FRMPD1: variants seen among roughly 807,000 people sequenced by gnomAD.
FRMPD1 encodes FERM and PDZ domain-containing protein 1.
A neutral mutation model predicts 117.8 loss-of-function variants in FRMPD1; 76 were observed. The observed-to-expected ratio is 0.65, with a 90% CI of 0.54 to 0.78. The LOEUF (loss-of-function observed/expected upper bound fraction) is 0.78. FRMPD1 is among the 30% of genes least tolerant of loss of function. The pLI, the probability that FRMPD1 is intolerant of heterozygous loss-of-function variation, is 0.00. For synonymous variants in FRMPD1, 783 were observed against 770.4 expected (o/e 1.02, Z -0.27); for missense variants, 1,786 against 1,964.5 (o/e 0.91, Z 1.72).
intron 1 of FRMPD1, among the ~76,000 whole-genome samples, chr9:37,688,517 T>C (rs1043344470): frequency 2.0e-5 from 3 of 152,046 alleles, no homozygotes; most frequent in African/African-American, 7.2e-5. Flanking sequence ...AGTGAACATA[T>C]GTTTATGTCC....
chr9:37,675,583 G>T (rs1357064719), intron 1 of FRMPD1, among the ~76,000 whole-genome samples: 5 of 152,146 alleles, frequency 3.3e-5, no homozygotes, highest in Admixed American at 3.3e-4. Context: ...GTGGATGCCT[G>T]GGTTCTGGGC....
chr9:37,708,546 A>C, intron 4 of FRMPD1, 45 bp downstream of exon 4: 1 of 1,122,804 alleles, frequency 8.9e-7, no homozygotes, highest in South Asian at 1.2e-5. Flanking sequence ...ACAGATTATC[A>C]AAGAACAAAG....
At chr9:37,638,006 TTCTTTCTTTCTTTCTTTCTC>T in the FRMPD1 span, among the ~76,000 whole-genome samples, 9 of 125,928 alleles carry the variant, frequency 7.1e-5, 2 homozygotes, top group Non-Finnish European at 1.3e-4. Flanking sequence ...CTTTCTTTCT[TTCTTTCTTTCTTTCTTTCTC>T]TCTCTTTCTT....
chr9:37,604,389 G>A, the FRMPD1 span, among the ~76,000 whole-genome samples: 7 of 152,194 alleles, frequency 4.6e-5, no homozygotes, highest in East Asian at 1.3e-3. Flanking sequence ...GAAAATAACA[G>A]CGTGATTGTT....
intron 2 of FRMPD1, among the ~76,000 whole-genome samples, chr9:37,703,880 G>C (rs1368496617): frequency 6.6e-6 from 1 of 152,090 alleles, no homozygotes; most frequent in Non-Finnish European, 1.5e-5. Context: ...TCTGGAATAC[G>C]GTATTTTATT....
chr9:37,692,808 C>A (rs976203424), intron 2 of FRMPD1, 66 bp downstream of exon 2: 2 of 1,120,546 alleles, frequency 1.8e-6, no homozygotes, highest in South Asian at 1.2e-5. Context: ...GGAGCTTGTG[C>A]TGGTCCTGGC....
At chr9:37,642,262 T>C in the FRMPD1 span, among the ~76,000 whole-genome samples, 1 of 152,214 alleles carries the variant, frequency 6.6e-6, no homozygotes. Context: ...CACATGATAC[T>C]TGCTTGTTGG....
Position 37,706,874 on chromosome 9 carries a change from A to G in FRMPD1, c.102-542A>G, listed in dbSNP as rs141071447. On this transcript the variant is annotated intron_variant, in intron 2 of 15. Coordinates refer to ENST00000377765, the MANE Select transcript of FRMPD1 (RefSeq NM_014907.3). The stretch of plus-strand genomic sequence containing the variant: ...ACCATCCATGTTTTTCCTCTCCTGT[A>G]CCTCTGACTCCAGCAGTATGTCCTG... 3.5e-4 allele frequency among the ~76,000 whole-genome samples: 53 copies of G among 152,126 alleles called. No homozygotes were observed. The East Asian group carries it at 8.3e-3, about 24-fold the overall frequency.
intron 14 of FRMPD1, 136 bp from the exon 15 acceptor site, chr9:37,739,942 T>G: frequency 1.5e-6 from 1 of 681,402 alleles, no homozygotes; most frequent in South Asian, 1.7e-5. Flanking sequence ...TTCGTCAGTA[T>G]AGGACGGTCT....
intron 1 of FRMPD1, among the ~76,000 whole-genome samples, chr9:37,683,931 G>T (rs947603970): frequency 6.6e-6 from 1 of 151,242 alleles, no homozygotes; most frequent in African/African-American, 2.4e-5. Context: ...AGAGTGTTGT[G>T]TGAGGGAGAT....
intron 1 of FRMPD1, among the ~76,000 whole-genome samples, chr9:37,654,713 G>A (rs1588901463): frequency 6.6e-6 from 1 of 152,256 alleles, no homozygotes; most frequent in African/African-American, 2.4e-5. Context: ...GCTAAGGCCT[G>A]GAGGCCTGAA....
At chr9:37,640,237 A>C in the FRMPD1 span, among the ~76,000 whole-genome samples, 1 of 152,226 alleles carries the variant, frequency 6.6e-6, no homozygotes, top group Non-Finnish European at 1.5e-5. Context: ...ATTATGGTTC[A>C]GTGTAGGTAA....
chr9:37,625,077 T>C, the FRMPD1 span, among the ~76,000 whole-genome samples: 66 of 152,354 alleles, frequency 4.3e-4, no homozygotes, highest in South Asian at 2.1e-4. Flanking sequence ...GAGTGAGACA[T>C]CATTAGTAGC....
intron 8 of FRMPD1, 103 bp from the exon 9 acceptor site, chr9:37,730,881 G>C: frequency 2.5e-6 from 3 of 1,177,102 alleles, no homozygotes; most frequent in Non-Finnish European, 3.7e-6. Context: ...GAAATCTCTG[G>C]GAACTGTCTT....
In FRMPD1 at chr9:37,707,246, G is replaced by T. The variant is rs114157080; in HGVS notation, c.102-170G>T. Among the ~76,000 whole-genome samples, 384 of 152,290 alleles carry T rather than the reference G, an allele frequency of 2.5e-3. 1 individual carries two copies. Among genetic ancestry groups the T allele is most frequent in the African/African-American group, 8.4e-3 (347 of 41,550 alleles). On this transcript the variant is annotated intron_variant, in intron 2 of 15. Transcript: ENST00000377765. Reference sequence around the variant, plus strand: ...GCCTGGCAATACGACTTCTCTTTTAGAGGACAGTCCTAAGTTCTGCTAGTG... The same window carrying T: ...GCCTGGCAATACGACTTCTCTTTTATAGGACAGTCCTAAGTTCTGCTAGTG...
At chr9:37,719,561 A>G (rs1022689828) in intron 6 of FRMPD1, among the ~76,000 whole-genome samples, 6 of 152,190 alleles carry the variant, frequency 3.9e-5, no homozygotes, top group Admixed American at 1.3e-4. Flanking sequence ...TTTTAGTTTT[A>G]AGAGTCCATC....
the FRMPD1 span, among the ~76,000 whole-genome samples, chr9:37,631,951 T>A: frequency 6.6e-6 from 1 of 152,032 alleles, no homozygotes; most frequent in Non-Finnish European, 1.5e-5. Context: ...GATAATAATT[T>A]TAATGATTTT....
At chr9:37,681,163 A>C (rs925098205) in intron 1 of FRMPD1, among the ~76,000 whole-genome samples, 4 of 147,024 alleles carry the variant, frequency 2.7e-5, no homozygotes, top group African/African-American at 9.9e-5. Flanking sequence ...CAGTGAGCCA[A>C]GATGGGGCCA....
At chr9:37,733,854 C>T (rs754040583) in intron 12 of FRMPD1, 29 bp downstream of exon 12, 4 of 1,211,086 alleles carry the variant, frequency 3.3e-6, no homozygotes, top group Admixed American at 1.7e-5. Context: ...TGAAATCCTA[C>T]TCACGTAAGG....
Sources: gnomAD v4.1 joint callset for allele counts (sites outside exome capture counted in the v4.1 genomes callset) on GRCh38, gnomAD v4.1.1 for gene constraint, MANE v1.5 for transcripts, NCBI Gene and HGNC (gene_info 2026-07-23, HGNC 2026-07-21) for gene names.